The following PLD1 variants were observed in gnomAD, a reference collection of about 807,000 sequenced individuals.
The protein encoded by PLD1 is phospholipase D1, also known as choline phosphatase 1.
Under a neutral mutation model 137.1 loss-of-function variants are expected in PLD1, and 112 were observed. The ratio of observed to expected loss-of-function variants is 0.82; its 90% CI spans 0.70 to 0.96. The LOEUF is 0.96. Ranked by LOEUF, PLD1 falls within the 40% of genes least tolerant of loss-of-function variation. The pLI is 0.00. For synonymous variants in PLD1, 431 were observed against 454.7 expected (o/e 0.95, Z 0.66); for missense variants, 1,321 against 1,342.0 (o/e 0.98, Z 0.24).
rs1007221995 is a variant in PLD1, at chr3:171,807,620, C to T, written c.-32+2779G>A. ...CTGTAAGAGAACATTTATACACTGT[C>T]GGTTGGAACGTAAATTAGTTCAGTC... is the stretch of plus-strand genomic sequence containing the variant. On this transcript the variant is annotated intron_variant, in intron 1 of 26. Coordinates refer to ENST00000351298, the MANE Select transcript of PLD1 (RefSeq NM_002662.5). Among the ~76,000 whole-genome samples, 8 of 152,172 alleles carry T rather than the reference C, an allele frequency of 5.3e-5. No individual in the cohort carries two copies. In the South Asian group the frequency reaches 8.3e-4, roughly 16 times the overall value.
chr3:171,739,959 G>A (rs1719651990), intron 1 of PLD1, among the ~76,000 whole-genome samples: 1 of 152,138 alleles, frequency 6.6e-6, no homozygotes, highest in Non-Finnish European at 1.5e-5. Flanking sequence ...CCATGTAAGA[G>A]CAAACCCTAA....
chr3:171,783,883 G>GT (rs1722891148), intron 1 of PLD1, among the ~76,000 whole-genome samples: 1 of 152,132 alleles, frequency 6.6e-6, no homozygotes, highest in Non-Finnish European at 1.5e-5. Flanking sequence ...CCTGGCTCAA[G>GT]TGATCTGCCT....
In PLD1 at chr3:171,687,403, G is replaced by T. The variant is rs1185602764; in HGVS notation, c.1721C>A (p.Ala574Glu). The T allele has an allele frequency of 1.2e-6, 2 of 1,614,162 alleles. No homozygotes were observed. Among genetic ancestry groups the T allele is most frequent in the Non-Finnish European group, 1.7e-6 (2 of 1,180,002 alleles). The change falls in exon 15 of 27, where the codon GCA (alanine) becomes GAA (glutamate). Residue 574 changes from alanine (A) to glutamate (E), a missense_variant. Coordinates refer to ENST00000351298, the MANE Select transcript of PLD1 (RefSeq NM_002662.5). ...KQLHRHHLHD[A>E]DSISSIDSTS... is the part of the protein sequence containing the mutation. The stretch of plus-strand genomic sequence containing the variant: ...GCTGTCAATGCTGCTGATGCTATCT[G>T]CGTCGTGCAGGTGGTGCCTGTGGAG...
At chr3:171,797,812 G>A (rs1723490797) in intron 1 of PLD1, among the ~76,000 whole-genome samples, 1 of 152,124 alleles carries the variant, frequency 6.6e-6, no homozygotes, top group Non-Finnish European at 1.5e-5. Context: ...ATTTAAAACT[G>A]ACTGAAGTTG....
intron 24 of PLD1, among the ~76,000 whole-genome samples, chr3:171,617,651 G>A (rs1733232537): frequency 6.6e-6 from 1 of 152,182 alleles, no homozygotes. Flanking sequence ...CTAAAATTAA[G>A]ATAGGTAAGA....
chr3:171,783,721 C>T (rs936334367), intron 1 of PLD1, among the ~76,000 whole-genome samples: 1 of 152,184 alleles, frequency 6.6e-6, no homozygotes, highest in Non-Finnish European at 1.5e-5. Context: ...CGGTTCACTA[C>T]AACCTCTGCC....
At chr3:171,619,889 G>C (rs1733442363) in intron 24 of PLD1, among the ~76,000 whole-genome samples, 1 of 151,778 alleles carries the variant, frequency 6.6e-6, no homozygotes, top group Non-Finnish European at 1.5e-5. Context: ...GGGAAACACA[G>C]CGAGACCCCC....
chr3:171,759,539 G>A (rs887463267), intron 1 of PLD1, among the ~76,000 whole-genome samples: 2 of 152,108 alleles, frequency 1.3e-5, no homozygotes, highest in Admixed American at 1.3e-4. Flanking sequence ...TAAGTAGGTA[G>A]TAGTAGAAGA....
chr3:171,605,444 G>T (rs1184117927), intron 25 of PLD1, 28 bp from the exon 26 acceptor site: 8 of 1,278,168 alleles, frequency 6.3e-6, no homozygotes, highest in Non-Finnish European at 8.0e-6. Flanking sequence ...TCCACATTGA[G>T]TAACTGAGAT....
In PLD1 at chr3:171,739,890, T is replaced by C. The variant is rs1183450777; in HGVS notation, c.-31-1808A>G. ...TATCTTGCTCTCTATTCTTTGTAGA[T>C]ATGTAAGTGCTTTGGAATAGATGGA... On this transcript the variant is annotated intron_variant, in intron 1 of 26. Transcript: ENST00000351298. Among the ~76,000 whole-genome samples, 3 of 152,280 alleles carry C rather than the reference T, an allele frequency of 2.0e-5. No individual in the cohort carries two copies. The East Asian group carries it at 5.8e-4, about 29-fold the overall frequency.
At chr3:171,735,049 G>T (rs1160145541) in intron 4 of PLD1, 79 bp from the exon 5 acceptor site, 14 of 784,794 alleles carry the variant, frequency 1.8e-5, no homozygotes, top group Non-Finnish European at 2.4e-5. Flanking sequence ...TTCATGAGAC[G>T]GCATATTTTT....
intron 8 of PLD1, among the ~76,000 whole-genome samples, chr3:171,717,991 T>C (rs1449412096): frequency 6.6e-6 from 1 of 152,236 alleles, no homozygotes; most frequent in East Asian, 1.9e-4. Flanking sequence ...AATCAGGTAG[T>C]TTTTATCTTT....
In PLD1 at chr3:171,600,698, T is replaced by G. The variant is rs1731780669; in HGVS notation, c.*2380A>C. On this transcript the variant is annotated 3_prime_UTR_variant, in exon 27 of 27. Coordinates refer to ENST00000351298, the MANE Select transcript of PLD1 (RefSeq NM_002662.5). ...AAAAAAGCAATTATTGCACTGAATT[T>G]TCCATAAAATCCCTCCAAGTAAATC... The G allele has an allele frequency of 6.6e-6, 1 of 152,042 alleles. No homozygotes were observed. The highest frequency in any genetic ancestry group is 2.1e-4 in the South Asian group (1 of 4,822). The allele number at this position is 152,042 out of a possible 1,614,324, so 9.4% of individuals were successfully genotyped here. A position where few individuals can be genotyped will look rare whatever the true frequency, so the allele number is the denominator to read the frequency against.
intron 1 of PLD1, among the ~76,000 whole-genome samples, chr3:171,768,767 G>A (rs1722151809): frequency 6.6e-6 from 1 of 152,124 alleles, no homozygotes; most frequent in Admixed American, 6.5e-5. Flanking sequence ...CGCCCTTCTG[G>A]GTCACAGCGA....
At chr3:171,759,543 TAGA>T (rs1254102657) in intron 1 of PLD1, among the ~76,000 whole-genome samples, 3 of 152,090 alleles carry the variant, frequency 2.0e-5, no homozygotes, top group Admixed American at 6.5e-5. Flanking sequence ...TAGGTAGTAG[TAGA>T]AGAACAGAAA....
At chr3:171,709,024 G>T (rs1282789213) in intron 10 of PLD1, among the ~76,000 whole-genome samples, 186 bp from the exon 11 acceptor site, 1 of 152,170 alleles carries the variant, frequency 6.6e-6, no homozygotes. Context: ...CCTAGGAAGG[G>T]CAGTAAGTGT....
At chr3:171,801,870 T>C (rs956327077) in intron 1 of PLD1, among the ~76,000 whole-genome samples, 1 of 152,232 alleles carries the variant, frequency 6.6e-6, no homozygotes, top group Admixed American at 6.5e-5. Context: ...TACTTTCATG[T>C]TTAATCGATC....
intron 23 of PLD1, among the ~76,000 whole-genome samples, chr3:171,622,725 T>C (rs1216308237): frequency 1.3e-5 from 2 of 151,076 alleles, no homozygotes; most frequent in African/African-American, 4.8e-5. Context: ...TCAGCCAATA[T>C]AGTTGTATAA....
At chr3:171,674,122 A>G (rs899253980) in intron 19 of PLD1, among the ~76,000 whole-genome samples, 4 of 152,236 alleles carry the variant, frequency 2.6e-5, no homozygotes, top group African/African-American at 9.6e-5. Flanking sequence ...TTAATCAGGA[A>G]CTAAAATTAG....
Sources: allele counts gnomAD v4.1 joint callset (sites outside exome capture counted in the v4.1 genomes callset), GRCh38; gene constraint gnomAD v4.1.1; transcripts MANE v1.5; gene names NCBI Gene and HGNC (gene_info 2026-07-23, HGNC 2026-07-21).